TXLNG: variants seen among roughly 807,000 people sequenced by gnomAD.
TXLNG encodes the protein gamma-taxilin.
In TXLNG, 5 loss-of-function variants were observed where a neutral mutation model predicts 38.8. The ratio of observed to expected loss-of-function variants is 0.13; its 90% CI spans 0.07 to 0.27. The LOEUF (loss-of-function observed/expected upper bound fraction) is 0.27. Among genes scored for constraint, TXLNG ranks in the 10% least tolerant of loss-of-function variants. The pLI, the probability that TXLNG is intolerant of heterozygous loss-of-function variation, is 1.00. For synonymous variants in TXLNG, 182 were observed against 158.2 expected (o/e 1.15, Z -1.13); for missense variants, 393 against 398.2 (o/e 0.99, Z 0.11).
chrX:16,802,644 G>A (rs1928149848), intron 1 of TXLNG, among the ~76,000 whole-genome samples: 1 of 111,130 alleles, frequency 9.0e-6, no homozygotes, highest in South Asian at 3.8e-4. Context: ...CTCCTGCTGT[G>A]TTCAGATTCT....
At chrX:16,810,382 T>C (rs1928470946) in intron 1 of TXLNG, among the ~76,000 whole-genome samples, 1 of 111,777 alleles carries the variant, frequency 8.9e-6, no homozygotes, top group Non-Finnish European at 1.9e-5. Flanking sequence ...ATAAAGTTAT[T>C]GGCCTAAGAA....
chrX:16,828,141 G>T lies in TXLNG; in HGVS notation c.546G>T (p.Lys182Asn), dbSNP rs1482958125. The T allele has an allele frequency of 5.0e-6, 6 of 1,209,474 alleles. No homozygotes were observed. The change falls in exon 4 of 10, where the codon AAG becomes AAT. Residue 182 changes from lysine (K) to asparagine (N), a missense_variant. Coordinates refer to ENST00000380122, the MANE Select transcript of TXLNG (RefSeq NM_018360.3). Reference protein sequence around the residue: ...SVQKQMKILQKKQAQIVKEKV... With the variant: ...SVQKQMKILQNKQAQIVKEKV... ...AGAAGCAAATGAAGATCCTGCAGAA[G>T]AAGCAAGCCCAGATTGTGAAAGAGA...
chrX:16,833,884 CG>C (rs1240764632), intron 6 of TXLNG, among the ~76,000 whole-genome samples: 30 of 112,294 alleles, frequency 2.7e-4, no homozygotes, highest in Non-Finnish European at 4.3e-4. Flanking sequence ...TTTCCCCATA[CG>C]CTTTCACTCT....
At position 16,813,900 on chromosome X, in the gene TXLNG, C is replaced by T. The variant is rs959607601; in HGVS notation, c.103-4674C>T. 2.7e-5 allele frequency among the ~76,000 whole-genome samples: 3 copies of T among 110,923 alleles called. No individual in the cohort carries two copies. In the Admixed American group the frequency reaches 2.9e-4, roughly 11 times the overall value. On this transcript the variant is annotated intron_variant, in intron 1 of 9. Transcript: ENST00000380122. ...AGGAGATCGAGACCATCCTGGCTAA[C>T]ACGGTGAAACCCCGTCTCTACTAAA...
At chrX:16,820,478 A>G (rs1295204252) in intron 3 of TXLNG, among the ~76,000 whole-genome samples, 2 of 111,991 alleles carry the variant, frequency 1.8e-5, no homozygotes, top group Non-Finnish European at 3.8e-5. Flanking sequence ...AAGATGTGGC[A>G]TAGATTTTCT....
chrX:16,808,774 G>A (rs1202204871), intron 1 of TXLNG, among the ~76,000 whole-genome samples: 2 of 111,035 alleles, frequency 1.8e-5, no homozygotes, highest in African/African-American at 6.5e-5. Context: ...TTATTCATCC[G>A]GTCTATTATT....
At chrX:16,838,130 A>AT (rs2147500826) in intron 8 of TXLNG, among the ~76,000 whole-genome samples, 1 of 111,314 alleles carries the variant, frequency 9.0e-6, no homozygotes, top group East Asian at 2.8e-4. Flanking sequence ...TGTTTTTCTT[A>AT]TCTTTACTCC....
intron 1 of TXLNG, among the ~76,000 whole-genome samples, chrX:16,813,790 GA>G: frequency 9.1e-6 from 1 of 110,216 alleles, no homozygotes; most frequent in Non-Finnish European, 1.9e-5. Flanking sequence ...GTTCATAGCA[GA>G]AATAGTCATA....
At chrX:16,825,298 T>C (rs1406856802) in intron 3 of TXLNG, among the ~76,000 whole-genome samples, 1 of 112,093 alleles carries the variant, frequency 8.9e-6, no homozygotes, top group African/African-American at 3.2e-5. Flanking sequence ...ATATTGCTGT[T>C]GGGAATATCA....
chrX:16,812,518 C>A (rs754640903), intron 1 of TXLNG, among the ~76,000 whole-genome samples: 4 of 104,833 alleles, frequency 3.8e-5, no homozygotes, highest in Admixed American at 1.0e-4. Flanking sequence ...CTCAGCCTCC[C>A]GAGTAGCTGG....
rs140024744 is a variant in TXLNG, at chrX:16,814,806, G to A, written c.103-3768G>A. On this transcript the variant is annotated intron_variant, in intron 1 of 9. Transcript: ENST00000380122. ...TTTCAGGTTATGAAAGTGTTGCAAA[G>A]TTGACTGTGGTAATGTTTGCACAAC... Among the ~76,000 whole-genome samples, 691 of 111,925 alleles carry A rather than the reference G, an allele frequency of 6.2e-3. 20 individuals carry two copies. Among genetic ancestry groups the A allele is most frequent in the Admixed American group, 0.051 (531 of 10,431 alleles).
chrX:16,808,668 T>A (rs1928408924), intron 1 of TXLNG, among the ~76,000 whole-genome samples: 1 of 111,705 alleles, frequency 9.0e-6, no homozygotes, highest in African/African-American at 3.3e-5. Context: ...GGTATTTTGC[T>A]TTTTCCCTTA....
At chrX:16,819,051 A>G (rs187022059) in intron 2 of TXLNG, among the ~76,000 whole-genome samples, 174 bp downstream of exon 2, 6 of 110,356 alleles carry the variant, frequency 5.4e-5, no homozygotes, top group African/African-American at 2.0e-4. Flanking sequence ...AGGCGAAAAC[A>G]GCAGAGAGGA....
chrX:16,822,266 G>A (rs1208488975), intron 3 of TXLNG, among the ~76,000 whole-genome samples: 7 of 109,743 alleles, frequency 6.4e-5, no homozygotes, highest in South Asian at 3.9e-4. Context: ...GCGTGAACCC[G>A]GGAGGCGGAG....
At position 16,841,971 on chromosome X, in the gene TXLNG, C is replaced by A. The variant is rs1569275062; in HGVS notation, c.*205C>A. On this transcript the variant is annotated 3_prime_UTR_variant, in exon 10 of 10. Coordinates refer to ENST00000380122, the MANE Select transcript of TXLNG (RefSeq NM_018360.3). ...ATAAATTTTCCTCAGCTGTGTTGCA[C>A]ATCAGCCTCGTTCTCCCTCCACTGG... 7.0e-6 allele frequency: 3 copies of A among 425,561 alleles called. No individual in the cohort carries two copies. Among genetic ancestry groups the A allele is most frequent in the Non-Finnish European group, 8.0e-6 (2 of 250,814 alleles). 35.1% of individuals were successfully genotyped at this position (425,561 alleles called of 1,213,427 possible). A position where few individuals can be genotyped will look rare whatever the true frequency, so the allele number is the denominator to read the frequency against.
chrX:16,787,984 A>G (rs1438796857), intron 1 of TXLNG, among the ~76,000 whole-genome samples: 1 of 111,903 alleles, frequency 8.9e-6, no homozygotes, highest in Non-Finnish European at 1.9e-5. Flanking sequence ...CTACTTCTCA[A>G]TTACCTCTCT....
intron 1 of TXLNG, among the ~76,000 whole-genome samples, chrX:16,801,485 C>T (rs773114001): frequency 1.8e-4 from 20 of 112,171 alleles, no homozygotes; most frequent in Non-Finnish European, 2.8e-4. Flanking sequence ...CGAGCTCGGC[C>T]TCAGGCATTC....
intron 9 of TXLNG, among the ~76,000 whole-genome samples, chrX:16,841,063 G>C (rs1433899089): frequency 1.8e-5 from 2 of 108,894 alleles, no homozygotes; most frequent in Non-Finnish European, 3.8e-5. Context: ...GGCGTGGTGG[G>C]GCGCGCCTGT....
chrX:16,802,624 A>G (rs1266662744), intron 1 of TXLNG, among the ~76,000 whole-genome samples: 2 of 111,064 alleles, frequency 1.8e-5, no homozygotes, highest in Non-Finnish European at 3.8e-5. Flanking sequence ...GACATGAAAT[A>G]AGGTATGACC....
Sources: allele counts gnomAD v4.1 joint callset (sites outside exome capture counted in the v4.1 genomes callset), GRCh38; gene constraint gnomAD v4.1.1; transcripts MANE v1.5; gene names NCBI Gene and HGNC (gene_info 2026-07-23, HGNC 2026-07-21).